The following VPS45 variants were observed in gnomAD, a reference collection of about 807,000 sequenced individuals.
VPS45 encodes the protein vacuolar protein sorting 45 homolog, also known as vacuolar protein sorting-associated protein 45.
Under a neutral mutation model 75.9 loss-of-function variants are expected in VPS45, and 35 were observed. The ratio of observed to expected loss-of-function variants is 0.46; its 90% CI spans 0.35 to 0.61. The LOEUF is 0.61. Among genes scored for constraint, VPS45 ranks in the 20% least tolerant of loss-of-function variants. The pLI is 0.00. For synonymous variants in VPS45, 220 were observed against 238.2 expected, an observed-to-expected ratio of 0.92 and a Z score of 0.70; for missense variants, 559 against 685.9, an observed-to-expected ratio of 0.81 and a Z score of 2.07.
At chr1:150,099,881 A>T (rs1188376145) in intron 13 of VPS45, among the ~76,000 whole-genome samples, 1 of 151,492 alleles carries the variant, frequency 6.6e-6, no homozygotes, top group Admixed American at 6.6e-5. Context: ...CACAGCCAAC[A>T]TCATACTGAA....
intron 14 of VPS45, among the ~76,000 whole-genome samples, chr1:150,119,898 C>T (rs1192189298): frequency 6.6e-6 from 1 of 152,068 alleles, no homozygotes; most frequent in Non-Finnish European, 1.5e-5. Flanking sequence ...CACCTGAGGT[C>T]GGGAGTTCGA....
At chr1:150,113,872 G>A (rs1657780492) in intron 14 of VPS45, among the ~76,000 whole-genome samples, 1 of 152,058 alleles carries the variant, frequency 6.6e-6, no homozygotes, top group South Asian at 2.1e-4. Flanking sequence ...TCCAGCCTGG[G>A]TGACAGAGAG....
At chr1:150,104,797 T>C (rs1553805401) in intron 13 of VPS45, among the ~76,000 whole-genome samples, 1 of 152,158 alleles carries the variant, frequency 6.6e-6, no homozygotes, top group African/African-American at 2.4e-5. Flanking sequence ...TCTCACAATG[T>C]TGCCAGGTGG....
chr1:150,102,565 C>T (rs373460680), intron 13 of VPS45, among the ~76,000 whole-genome samples: 2 of 147,942 alleles, frequency 1.4e-5, no homozygotes, highest in South Asian at 2.1e-4. Context: ...AAAAAAGACA[C>T]GTGCACACAA....
At chr1:150,137,575 C>T (rs587650069) in intron 14 of VPS45, among the ~76,000 whole-genome samples, 2 of 152,284 alleles carry the variant, frequency 1.3e-5, no homozygotes, top group East Asian at 3.9e-4. Context: ...CCTTTCTTTC[C>T]CAAATCATTT....
chr1:150,127,841 C>T (rs1658595928), intron 14 of VPS45, among the ~76,000 whole-genome samples: 1 of 152,054 alleles, frequency 6.6e-6, no homozygotes, highest in Non-Finnish European at 1.5e-5. Flanking sequence ...ATGTTTTTAT[C>T]AAATGGATAA....
chr1:150,139,109 T>C (rs1316751927), intron 14 of VPS45, among the ~76,000 whole-genome samples: 3 of 152,128 alleles, frequency 2.0e-5, no homozygotes, highest in African/African-American at 4.8e-5. Context: ...CTTCTCAATA[T>C]AGTAGTAGGG....
chr1:150,116,998 C>T (rs948898138), intron 14 of VPS45, among the ~76,000 whole-genome samples: 8 of 152,028 alleles, frequency 5.3e-5, no homozygotes, highest in South Asian at 2.1e-4. Context: ...GTCAGAAGAT[C>T]GAGACCATCC....
chr1:150,090,003 C>G (rs771310016), intron 10 of VPS45, among the ~76,000 whole-genome samples: 70 of 152,210 alleles, frequency 4.6e-4, no homozygotes, highest in Non-Finnish European at 8.7e-4. Context: ...TCCCCATTAT[C>G]ATCATAGTCC....
intron 9 of VPS45, among the ~76,000 whole-genome samples, chr1:150,082,245 G>A (rs947113670): frequency 1.3e-5 from 2 of 152,144 alleles, no homozygotes; most frequent in Admixed American, 6.5e-5. Context: ...AGTGGCTCAC[G>A]CCTGTAATCC....
intron 2 of VPS45, among the ~76,000 whole-genome samples, chr1:150,069,618 G>C (rs1303946563): frequency 7.7e-4 from 1 of 1,296 alleles, no homozygotes; most frequent in Non-Finnish European, 1.4e-3. Context: ...CACCACGCCC[G>C]GCTAATTTTT....
intron 14 of VPS45, among the ~76,000 whole-genome samples, chr1:150,131,131 G>A (rs965290561): frequency 6.6e-6 from 1 of 152,118 alleles, no homozygotes; most frequent in African/African-American, 2.4e-5. Flanking sequence ...TATTATACCT[G>A]TATAGTATAT....
chr1:150,090,993 G>A (rs1451892984), intron 10 of VPS45, among the ~76,000 whole-genome samples: 1 of 152,160 alleles, frequency 6.6e-6, no homozygotes, highest in Non-Finnish European at 1.5e-5. Flanking sequence ...TATTGGTAAG[G>A]CTTCCCCTTT....
intron 14 of VPS45, among the ~76,000 whole-genome samples, chr1:150,121,092 T>A (rs1168382859): frequency 1.3e-5 from 2 of 151,980 alleles, no homozygotes; most frequent in African/African-American, 4.8e-5. Context: ...CCTGACCTTG[T>A]GATCCACCCT....
At chr1:150,069,126 T>G (rs1654885503) in intron 2 of VPS45, among the ~76,000 whole-genome samples, 1 of 152,216 alleles carries the variant, frequency 6.6e-6, no homozygotes, top group African/African-American at 2.4e-5. Context: ...CTTTGCCACT[T>G]TATTCACATT....
At chr1:150,137,984 A>G (rs1659202151) in intron 14 of VPS45, among the ~76,000 whole-genome samples, 1 of 150,546 alleles carries the variant, frequency 6.6e-6, no homozygotes, top group South Asian at 2.1e-4. Flanking sequence ...GCCCTCTCTT[A>G]ACCCCCTTAC....
chr1:150,084,692 A>G (rs1571837659), intron 10 of VPS45, among the ~76,000 whole-genome samples: 3 of 152,200 alleles, frequency 2.0e-5, no homozygotes, highest in East Asian at 3.9e-4. Context: ...AATAATGCCA[A>G]CCTGTTATAT....
chr1:150,078,223 T>G (rs587724646), intron 7 of VPS45, among the ~76,000 whole-genome samples: 4 of 152,226 alleles, frequency 2.6e-5, no homozygotes, highest in African/African-American at 9.6e-5. Context: ...TTATTACTCT[T>G]GGCTTAAAAA....
rs1658987212 is a variant in VPS45, at chr1:150,134,685, C to T, written c.1626-10024C>T. On this transcript the variant is annotated intron_variant, in intron 14 of 14. Coordinates refer to ENST00000644510, the MANE Select transcript of VPS45 (RefSeq NM_007259.5). Reference sequence around the variant, plus strand: ...ATAGTATCATACTTTTTTCATTAAACTTTGCTTCTAAGATTCATCTGTATT... The same window carrying T: ...ATAGTATCATACTTTTTTCATTAAATTTTGCTTCTAAGATTCATCTGTATT... 2.0e-5 allele frequency among the ~76,000 whole-genome samples: 3 copies of T among 152,252 alleles called. No individual in the cohort carries two copies. In the South Asian group the frequency reaches 6.2e-4, roughly 32 times the overall value.
Sources: gnomAD v4.1 joint callset for allele counts (sites outside exome capture counted in the v4.1 genomes callset) on GRCh38, gnomAD v4.1.1 for gene constraint, MANE v1.5 for transcripts, NCBI Gene and HGNC (gene_info 2026-07-23, HGNC 2026-07-21) for gene names.